The following PTPN21 variants were observed in gnomAD, a reference collection of about 807,000 sequenced individuals.
The protein encoded by PTPN21 is protein tyrosine phosphatase non-receptor type 21, also known as tyrosine-protein phosphatase non-receptor type 21.
In PTPN21, 77 loss-of-function variants were observed where a neutral mutation model predicts 131.8. The observed-to-expected ratio is 0.58, with a 90% CI of 0.49 to 0.71. PTPN21 has a LOEUF of 0.71. Ranked by LOEUF, PTPN21 falls within the 30% of genes least tolerant of loss-of-function variation. PTPN21 has a pLI of 0.00. For synonymous variants in PTPN21, 715 were observed against 621.3 expected, an observed-to-expected ratio of 1.15 and a Z score of -2.24; for missense variants, 1,552 against 1,527.1, an observed-to-expected ratio of 1.02 and a Z score of -0.27.
At chr14:88,493,499 A>G (rs1175749003) in intron 10 of PTPN21, among the ~76,000 whole-genome samples, 2 of 152,198 alleles carry the variant, frequency 1.3e-5, no homozygotes, top group Non-Finnish European at 2.9e-5. Flanking sequence ...AAGTCCAGAG[A>G]AGGACCTCAG....
chr14:88,486,672 T>C (rs899547324), intron 10 of PTPN21, among the ~76,000 whole-genome samples: 1 of 152,074 alleles, frequency 6.6e-6, no homozygotes, highest in African/African-American at 2.4e-5. Flanking sequence ...TTGTTTTGAA[T>C]ATACTTTTTA....
intron 12 of PTPN21, among the ~76,000 whole-genome samples, chr14:88,482,604 A>T (rs781350788): frequency 6.6e-6 from 1 of 151,248 alleles, no homozygotes; most frequent in African/African-American, 2.4e-5. Context: ...CAAAAGCGAA[A>T]CTCCATCTCA....
At position 88,472,225 on chromosome 14, in the gene PTPN21, C is replaced by T. The variant is rs747950885; in HGVS notation, c.2871+19G>A. ...CTGAAACTGCATGTGCTGTTGATTA[C>T]TTGAGGCGTTCCTCTCACCTTAATA... On this transcript the variant is annotated intron_variant, in intron 15 of 18. Transcript: ENST00000556564. 4 of 1,456,384 alleles carry T rather than the reference C, an allele frequency of 2.7e-6. No individual in the cohort carries two copies. Among genetic ancestry groups the T allele is most frequent in the Admixed American group, 1.7e-5 (1 of 59,568 alleles). 90.2% of individuals were successfully genotyped at this position (1,456,384 alleles called of 1,614,324 possible). A position where few individuals can be genotyped will look rare whatever the true frequency, so the allele number is the denominator to read the frequency against.
intron 6 of PTPN21, among the ~76,000 whole-genome samples, chr14:88,502,211 C>T (rs1375966777): frequency 1.3e-5 from 2 of 152,152 alleles, no homozygotes; most frequent in African/African-American, 2.4e-5. Flanking sequence ...GTCCTCAAGG[C>T]ACCCACACTG....
At chr14:88,533,951 C>T (rs947348874) in intron 2 of PTPN21, among the ~76,000 whole-genome samples, 1 of 152,064 alleles carries the variant, frequency 6.6e-6, no homozygotes, top group Admixed American at 6.6e-5. Flanking sequence ...GATGACAGAG[C>T]CATGCATGTT....
rs1652991739 is a variant in PTPN21 at position 88,468,260 on chromosome 14, C to T, written c.3402G>A (p.Leu1134=). 1 of 1,599,612 alleles carries T rather than the reference C, an allele frequency of 6.3e-7. No individual in the cohort carries two copies. The highest frequency in any genetic ancestry group is 1.3e-5 in the African/African-American group (1 of 74,198). ...MIACLEHNEV[L]DIPRVLDMLR... ...GCATGTCCAGCACTCTCGGGATGTC[C>T]AGCACCTAGGTTGAGAGAAACGGTA... The change falls in exon 19 of 19, where the codon CTG becomes CTA. Residue 1134 remains leucine (L), a synonymous_variant. Coordinates refer to ENST00000556564, the MANE Select transcript of PTPN21 (RefSeq NM_007039.4).
chr14:88,519,997 T>C (rs534539697), intron 2 of PTPN21, among the ~76,000 whole-genome samples: 1 of 152,328 alleles, frequency 6.6e-6, no homozygotes, highest in African/African-American at 2.4e-5. Context: ...CAGAAGTACC[T>C]AGAGGGTTTC....
Position 88,479,635 on chromosome 14 carries a change from A to G in PTPN21, c.1796T>C (p.Val599Ala). ...SSNPDLITRR[V>A]HHSVQTFQED... Reference sequence around the variant, plus strand: ...CTGGAACGTTTGCACCGAGTGGTGCACGCGCCGCGTGATGAGGTCGGGGTT... The same window carrying G: ...CTGGAACGTTTGCACCGAGTGGTGCGCGCGCCGCGTGATGAGGTCGGGGTT... The change falls in exon 13 of 19, where the codon GTG becomes GCG. Residue 599 changes from valine (V) to alanine (A), a missense_variant. This residue lies in a region of PTPN21 where 1,016 missense variants were observed against 883.5 expected (regional missense o/e 1.15). Transcript: ENST00000556564. 1 of 1,561,896 alleles carries G rather than the reference A, an allele frequency of 6.4e-7. No individual in the cohort carries two copies. Among genetic ancestry groups the G allele is most frequent in the Non-Finnish European group, 8.6e-7 (1 of 1,159,124 alleles).
intron 2 of PTPN21, among the ~76,000 whole-genome samples, chr14:88,519,146 T>A (rs984879252): frequency 7.9e-5 from 12 of 152,204 alleles, no homozygotes; most frequent in Non-Finnish European, 2.9e-5. Flanking sequence ...GATAAATCAA[T>A]ACTAGCCCTG....
At position 88,469,184 on chromosome 14, in the gene PTPN21, G is replaced by A. The variant is rs2140077843; in HGVS notation, c.3236-108C>T. ...TGATTAAGAGGACTGCAGATAAAGA[G>A]CACTGGGTGCCAGTGAACCAAACCC... On this transcript the variant is annotated intron_variant, in intron 17 of 18. Coordinates refer to ENST00000556564, the MANE Select transcript of PTPN21 (RefSeq NM_007039.4). The surrounding 1 kb of genome is among the most constrained non-coding windows in gnomAD (Gnocchi z 4.3). 7 of 1,272,352 alleles carry A rather than the reference G, an allele frequency of 5.5e-6. No individual in the cohort carries two copies. Among genetic ancestry groups the A allele is most frequent in the East Asian group, 2.5e-5 (1 of 39,762 alleles). 78.8% of individuals were successfully genotyped at this position (1,272,352 alleles called of 1,614,324 possible).
At chr14:88,526,356 T>C (rs2078474984) in intron 2 of PTPN21, among the ~76,000 whole-genome samples, 1 of 151,950 alleles carries the variant, frequency 6.6e-6, no homozygotes, top group South Asian at 2.1e-4. Context: ...AAGACCAGCC[T>C]GACCAACATG....
chr14:88,491,645 T>C (rs2077825902), intron 10 of PTPN21, among the ~76,000 whole-genome samples: 1 of 152,220 alleles, frequency 6.6e-6, no homozygotes, highest in South Asian at 2.1e-4. Flanking sequence ...TAAAAGCTAA[T>C]ATTAAAAGCT....
chr14:88,478,601 A>T (rs1177134138), intron 13 of PTPN21, among the ~76,000 whole-genome samples: 1 of 152,190 alleles, frequency 6.6e-6, no homozygotes, highest in East Asian at 1.9e-4. Context: ...AAAGTAATGA[A>T]ATCTTAACTG....
At chr14:88,550,727 T>G in intron 1 of PTPN21, 108 bp from the exon 2 acceptor site, 2 of 253,254 alleles carry the variant, frequency 7.9e-6, no homozygotes, top group Non-Finnish European at 7.6e-6. Flanking sequence ...CCCTCTCCAC[T>G]GGAAAAAAGG....
intron 2 of PTPN21, among the ~76,000 whole-genome samples, chr14:88,527,084 T>G (rs1386486573): frequency 1.3e-5 from 2 of 152,228 alleles, no homozygotes; most frequent in Non-Finnish European, 2.9e-5. Flanking sequence ...GGTTCCATAT[T>G]TTTGCAATTG....
chr14:88,493,067 C>T (rs1178633347), intron 10 of PTPN21: 1 of 456,620 alleles, frequency 2.2e-6, no homozygotes, highest in South Asian at 1.6e-5. Flanking sequence ...GCTCCACTTA[C>T]TAGTTGTGTG....
At position 88,479,165 on chromosome 14, in the gene PTPN21, G is replaced by T; in HGVS notation, c.2266C>A (p.His756Asn). The change falls in exon 13 of 19, where the codon CAC becomes AAC. Residue 756 changes from histidine to asparagine, a missense_variant. By Grantham distance (68) the His-to-Asn change is moderately conservative (BLOSUM62 1). Around this residue, in one of 4 missense-constraint regions of PTPN21, gnomAD observed 1,016 missense variants for 883.5 expected, o/e 1.15. Transcript: ENST00000556564. ...CPRVLLAGPL[H>N]ILEPKAHVPD... The stretch of plus-strand genomic sequence containing the variant: ...ACGTGGGCCTTGGGCTCCAGGATGT[G>T]CAGGGGCCCGGCGAGCAGGACGCGA... 1 of 1,553,138 alleles carries T rather than the reference G, an allele frequency of 6.4e-7. No individual in the cohort carries two copies. The highest frequency in any genetic ancestry group is 8.7e-7 in the Non-Finnish European group (1 of 1,153,186).
intron 10 of PTPN21, among the ~76,000 whole-genome samples, chr14:88,486,311 C>A (rs573895191): frequency 2.2e-4 from 33 of 152,216 alleles, no homozygotes; most frequent in Non-Finnish European, 4.1e-4. Flanking sequence ...AACCCAGAAG[C>A]CTCAAGCAGT....
At chr14:88,492,957 A>C in intron 10 of PTPN21, 1 of 385,486 alleles carries the variant, frequency 2.6e-6, no homozygotes, top group Non-Finnish European at 5.2e-6. Flanking sequence ...GATCAAATGA[A>C]AATGATCTGT....
Sources: gnomAD v4.1 joint callset for allele counts (sites outside exome capture counted in the v4.1 genomes callset) on GRCh38, gnomAD v4.1.1 for gene constraint, gnomAD v4.1.1 regional missense constraint, Gnocchi (gnomAD v3.1) non-coding constraint, MANE v1.5 for transcripts, NCBI Gene and HGNC (gene_info 2026-07-23, HGNC 2026-07-21) for gene names.